ZBTB7C: variants seen among roughly 807,000 people sequenced by gnomAD.
The protein encoded by ZBTB7C is zinc finger and BTB domain containing 7C.
Under a neutral mutation model 25.7 loss-of-function variants are expected in ZBTB7C, and 8 were observed. That is an observed-to-expected ratio of 0.31 (90% CI 0.18 to 0.56). ZBTB7C has a LOEUF of 0.56. ZBTB7C is among the 20% of genes least tolerant of loss of function. The probability of loss-of-function intolerance (pLI) is 0.91; values close to 1 mark genes in which losing one functional copy is unlikely to be tolerated. For synonymous variants in ZBTB7C, 394 were observed against 369.0 expected, an observed-to-expected ratio of 1.07 and a Z score of -0.78; for missense variants, 824 against 855.2, an observed-to-expected ratio of 0.96 and a Z score of 0.46.
At chr18:48,244,307 C>T (rs1013215627) in intron 2 of ZBTB7C, among the ~76,000 whole-genome samples, 1 of 151,962 alleles carries the variant, frequency 6.6e-6, no homozygotes, top group Non-Finnish European at 1.5e-5. Context: ...CCCAGCTACT[C>T]GGGAGGCTGA....
intron 2 of ZBTB7C, among the ~76,000 whole-genome samples, chr18:48,227,244 A>G (rs2043127055): frequency 6.6e-6 from 1 of 152,162 alleles, no homozygotes; most frequent in Non-Finnish European, 1.5e-5. Context: ...AATGAAAAAG[A>G]TGCCACTGTG....
At chr18:48,055,511 C>T (rs753970953) in intron 3 of ZBTB7C, among the ~76,000 whole-genome samples, 56 of 151,760 alleles carry the variant, frequency 3.7e-4, no homozygotes, top group Admixed American at 1.2e-3. Flanking sequence ...GGCTGAACGG[C>T]TGTCTGGGGA....
intron 3 of ZBTB7C, among the ~76,000 whole-genome samples, chr18:48,130,185 C>A (rs2039944718): frequency 6.6e-6 from 1 of 152,228 alleles, no homozygotes; most frequent in Non-Finnish European, 1.5e-5. Context: ...TAACCTCAGG[C>A]TGCTTCTCTG....
At chr18:48,039,854 A>G (rs201822479) in intron 4 of ZBTB7C, 46 bp downstream of exon 4, 100 of 1,591,766 alleles carry the variant, frequency 6.3e-5, no homozygotes, top group Non-Finnish European at 8.2e-5. Flanking sequence ...GCTGTCCCCC[A>G]TGGCCTCTGG....
Position 48,041,039 on chromosome 18 carries a change from G to T in ZBTB7C, c.69C>A (p.Ser23Arg), listed in dbSNP as rs1180659215. Residue 23 changes from serine (S) to arginine (R), a missense_variant, in exon 4 of 5, where the codon AGC (serine) becomes AGA (arginine). This residue lies in a region of ZBTB7C where 117 missense variants were observed against 167.7 expected (regional missense o/e 0.70). Transcript: ENST00000590800. ...GGCCATCGTGCCGTTGCTCATTGAG[G>T]CTGCACAGGACCTCACTGCTGTGGT... ...FPNHSSEVLC[S>R]LNEQRHDGLL... is the part of the protein sequence containing the mutation. 3 of 1,613,810 alleles carry T rather than the reference G, an allele frequency of 1.9e-6. No homozygotes were observed. Among genetic ancestry groups the T allele is most frequent in the Non-Finnish European group, 2.5e-6 (3 of 1,179,940 alleles).
intron 2 of ZBTB7C, among the ~76,000 whole-genome samples, chr18:48,201,794 C>T (rs534600739): frequency 8.5e-5 from 13 of 152,326 alleles, no homozygotes; most frequent in Admixed American, 2.6e-4. Flanking sequence ...ATCCGAGGCG[C>T]GCATCCCTCT....
intron 2 of ZBTB7C, among the ~76,000 whole-genome samples, chr18:48,200,679 G>C (rs2042420654): frequency 6.6e-6 from 1 of 152,196 alleles, no homozygotes; most frequent in African/African-American, 2.4e-5. Flanking sequence ...ATAAACCACA[G>C]GCACCCTGCA....
At chr18:48,101,433 T>C (rs1391163520) in intron 3 of ZBTB7C, among the ~76,000 whole-genome samples, 1 of 152,202 alleles carries the variant, frequency 6.6e-6, no homozygotes, top group Admixed American at 6.5e-5. Flanking sequence ...CATCTCAATA[T>C]GTAATCAACA....
At chr18:48,290,111 A>G (rs1299934992) in intron 2 of ZBTB7C, among the ~76,000 whole-genome samples, 1 of 152,172 alleles carries the variant, frequency 6.6e-6, no homozygotes, top group African/African-American at 2.4e-5. Context: ...ATTAATTCAG[A>G]GCATTTAGCA....
intron 2 of ZBTB7C, among the ~76,000 whole-genome samples, chr18:48,280,688 C>T (rs941150602): frequency 1.3e-5 from 2 of 152,090 alleles, no homozygotes; most frequent in Non-Finnish European, 2.9e-5. Context: ...CATGGTTACA[C>T]ACCTACGGAG....
intron 3 of ZBTB7C, among the ~76,000 whole-genome samples, chr18:48,119,740 C>G (rs966527517): frequency 3.9e-5 from 6 of 152,170 alleles, no homozygotes; most frequent in African/African-American, 9.7e-5. Flanking sequence ...TGGGTCTCCC[C>G]TGAGCTCCAG....
intron 1 of ZBTB7C, among the ~76,000 whole-genome samples, chr18:48,390,080 T>C (rs2047864083): frequency 6.6e-6 from 1 of 152,212 alleles, no homozygotes; most frequent in Admixed American, 6.5e-5. Context: ...CGAAGGAGCA[T>C]CTGCTGGCTT....
chr18:48,401,795 C>T (rs2048165189), intron 1 of ZBTB7C, among the ~76,000 whole-genome samples: 1 of 152,152 alleles, frequency 6.6e-6, no homozygotes, highest in Admixed American at 6.5e-5. Flanking sequence ...CCTCCTGTTT[C>T]TGTCTCCAGG....
intron 3 of ZBTB7C, among the ~76,000 whole-genome samples, chr18:48,049,025 G>C (rs2036582469): frequency 6.6e-6 from 1 of 152,170 alleles, no homozygotes; most frequent in South Asian, 2.1e-4. Context: ...TATGCCTAGT[G>C]TTCCATTATT....
At chr18:48,274,488 G>A (rs2044586783) in intron 2 of ZBTB7C, among the ~76,000 whole-genome samples, 7 of 152,126 alleles carry the variant, frequency 4.6e-5, no homozygotes, top group Admixed American at 2.6e-4. Flanking sequence ...CTCAGCAGGT[G>A]TCTCAAACTC....
chr18:48,213,033 G>C, intron 2 of ZBTB7C, among the ~76,000 whole-genome samples: 1 of 151,860 alleles, frequency 6.6e-6, no homozygotes, highest in Non-Finnish European at 1.5e-5. Flanking sequence ...ACCGGCGAGA[G>C]AATCTGTTTT....
At chr18:48,240,994 G>A (rs1471922478) in intron 2 of ZBTB7C, among the ~76,000 whole-genome samples, 3 of 152,102 alleles carry the variant, frequency 2.0e-5, no homozygotes, top group Non-Finnish European at 4.4e-5. Flanking sequence ...TTAAGGTTAA[G>A]GGGTGGAAAA....
In ZBTB7C at chr18:48,027,769, C is replaced by G. The variant is rs185472632; in HGVS notation, c.*1491G>C. 6.6e-6 allele frequency: 1 copy of G among 152,304 alleles called. No individual in the cohort carries two copies. The highest frequency in any genetic ancestry group is 2.4e-5 in the African/African-American group (1 of 41,548). 9.4% of individuals were successfully genotyped at this position (152,304 alleles called of 1,614,324 possible). On this transcript the variant is annotated 3_prime_UTR_variant, in exon 5 of 5. Coordinates refer to ENST00000590800, the MANE Select transcript of ZBTB7C (RefSeq NM_001318841.2). ...CCCTGGGCTCTCCCTGGGGACGAAC[C>G]CTCCTCCTCTCTGGGCTGCTCAGAA...
chr18:48,143,300 T>G (rs1328650037), intron 3 of ZBTB7C, among the ~76,000 whole-genome samples: 1 of 152,074 alleles, frequency 6.6e-6, no homozygotes. Flanking sequence ...TTTTTCTTCC[T>G]CCAGCAGGGT....
Sources: gnomAD v4.1 joint callset for allele counts (sites outside exome capture counted in the v4.1 genomes callset) on GRCh38, gnomAD v4.1.1 for gene constraint, gnomAD v4.1.1 regional missense constraint, MANE v1.5 for transcripts, NCBI Gene and HGNC (gene_info 2026-07-23, HGNC 2026-07-21) for gene names.